The following UBASH3A variants were observed in gnomAD, a reference collection of about 807,000 sequenced individuals.
UBASH3A encodes the protein ubiquitin-associated and SH3 domain-containing protein A.
A neutral mutation model predicts 73.5 loss-of-function variants in UBASH3A; 63 were observed. That is an observed-to-expected ratio of 0.86 (90% CI 0.70 to 1.06). The LOEUF is 1.06. Ranked by LOEUF, UBASH3A falls within the 50% of genes least tolerant of loss-of-function variation. UBASH3A has a pLI of 0.00. For synonymous variants in UBASH3A, 363 were observed against 351.1 expected (o/e 1.03, Z -0.38); for missense variants, 860 against 859.0 (o/e 1.00, Z -0.02).
intron 8 of UBASH3A, 110 bp downstream of exon 8, chr21:42,426,930 A>T: frequency 7.3e-7 from 1 of 1,375,672 alleles, no homozygotes; most frequent in Non-Finnish European, 9.9e-7. Flanking sequence ...CCATAGACAC[A>T]TCCTCCCTGC....
rs1392983748 is a variant in UBASH3A, at chr21:42,410,841, A to G, written c.354+1233A>G. Among the ~76,000 whole-genome samples, 4 of 152,164 alleles carry G rather than the reference A, an allele frequency of 2.6e-5. No homozygotes were observed. In the East Asian group the frequency reaches 7.7e-4, roughly 29 times the overall value. On this transcript the variant is annotated intron_variant, in intron 3 of 14. Transcript: ENST00000319294. ...ACATAGCTCACACACATAGACACAC[A>G]CAGATTGACACAGAGACTTACACAT...
chr21:42,445,720 C>T (rs988556328), intron 14 of UBASH3A, among the ~76,000 whole-genome samples: 2 of 152,238 alleles, frequency 1.3e-5, no homozygotes, highest in African/African-American at 2.4e-5. Flanking sequence ...TTCCTCTGCA[C>T]CTGAGTAGAA....
chr21:42,416,025 CTG>C (rs1220780108), intron 5 of UBASH3A, among the ~76,000 whole-genome samples: 2 of 152,192 alleles, frequency 1.3e-5, no homozygotes, highest in Non-Finnish European at 2.9e-5. Flanking sequence ...CTTAAAGACA[CTG>C]TGTGTTTTAT....
At chr21:42,408,079 T>C (rs530452873) in intron 2 of UBASH3A, among the ~76,000 whole-genome samples, 12 of 152,258 alleles carry the variant, frequency 7.9e-5, no homozygotes, top group Non-Finnish European at 1.8e-4. Flanking sequence ...CTTAAATTTC[T>C]GGGAGAAGGC....
intron 6 of UBASH3A, among the ~76,000 whole-genome samples, 191 bp from the exon 7 acceptor site, chr21:42,418,210 G>T (rs887862873): frequency 6.6e-6 from 1 of 152,130 alleles, no homozygotes; most frequent in African/African-American, 2.4e-5. Context: ...TCTATCCAAA[G>T]AATTCTATGC....
chr21:42,443,414 G>C lies in UBASH3A; in HGVS notation c.1734G>C (p.Gln578His). The C allele has an allele frequency of 7.5e-6, 12 of 1,603,828 alleles. No homozygotes were observed. Among genetic ancestry groups the C allele is most frequent in the Non-Finnish European group, 1.0e-5 (12 of 1,175,072 alleles). The change falls in exon 13 of 15, where the codon CAG becomes CAC. Residue 578 changes from glutamine (Q) to histidine (H), a missense_variant. Physicochemically the swap from Gln to His is conservative, Grantham distance 24. Transcript: ENST00000319294. The stretch of plus-strand genomic sequence containing the variant: ...TGCAAATCGTCAACACCTGTCCACA[G>C]GACAGTAAGTGCCTCACCATCCTCA... ...SMVQIVNTCP[Q>H]DTGVILIVSH...
At chr21:42,426,874 G>T (rs567350102) in intron 8 of UBASH3A, 54 bp downstream of exon 8, 2 of 1,591,822 alleles carry the variant, frequency 1.3e-6, no homozygotes, top group Non-Finnish European at 1.7e-6. Flanking sequence ...ACTACACTTT[G>T]TATTAACTTC....
At chr21:42,414,950 G>A (rs561429006) in intron 5 of UBASH3A, among the ~76,000 whole-genome samples, 1 of 152,180 alleles carries the variant, frequency 6.6e-6, no homozygotes, top group African/African-American at 2.4e-5. Flanking sequence ...GGGAGCCAGC[G>A]TTGACCTCAC....
Position 42,418,963 on chromosome 21 carries a change from G to A in UBASH3A, c.1046+354G>A, listed in dbSNP as rs1054330072. 2.0e-5 allele frequency among the ~76,000 whole-genome samples: 3 copies of A among 152,240 alleles called. 1 individual carries two copies. The highest frequency in any genetic ancestry group is 1.9e-4 in the East Asian group (1 of 5,194). ...CCGTGTATGAAATGTAAAGTCCTAG[G>A]TCGTATTATTAGTTTTCTATGACTG... On this transcript the variant is annotated intron_variant, in intron 7 of 14. Coordinates refer to ENST00000319294, the MANE Select transcript of UBASH3A (RefSeq NM_018961.4).
chr21:42,434,638 G>A (rs1183260210), intron 9 of UBASH3A, among the ~76,000 whole-genome samples, 194 bp from the exon 10 acceptor site: 1 of 152,338 alleles, frequency 6.6e-6, no homozygotes, highest in South Asian at 2.1e-4. Flanking sequence ...TTGAGAAAAT[G>A]TTGTGTGCAC....
At chr21:42,422,418 A>G (rs1368619810) in intron 7 of UBASH3A, among the ~76,000 whole-genome samples, 1 of 152,162 alleles carries the variant, frequency 6.6e-6, no homozygotes, top group Admixed American at 6.5e-5. Context: ...TACTTCTCCA[A>G]TACCCCCTGG....
chr21:42,410,616 C>T, intron 3 of UBASH3A: 1 of 198,092 alleles, frequency 5.0e-6, no homozygotes, highest in East Asian at 1.1e-4. Flanking sequence ...GAGAGTTTTC[C>T]CCCTACATCG....
At chr21:42,443,538 C>T (rs1417296785) in intron 13 of UBASH3A, 120 bp downstream of exon 13, 5 of 793,500 alleles carry the variant, frequency 6.3e-6, no homozygotes, top group African/African-American at 1.8e-5. Flanking sequence ...CCTGCCCCCG[C>T]CCCCATTCTC....
At position 42,444,634 on chromosome 21, in the gene UBASH3A, C is replaced by G. The variant is rs61735848; in HGVS notation, c.1839C>G (p.Leu613=). 27 of 1,613,656 alleles carry G rather than the reference C, an allele frequency of 1.7e-5. 1 individual carries two copies. Among genetic ancestry groups the G allele is most frequent in the Non-Finnish European group, 2.3e-5 (27 of 1,179,606 alleles). ...GGGAATGTGGGGATTTTGCCCAACT[C>G]GTGAGAAAGGTACGCGCCCACTCTT... The part of the protein sequence containing the change: ...PPRECGDFAQ[L]VRKIPSLGMC... Residue 613 remains leucine (L), a synonymous_variant, in exon 14 of 15, where the codon CTC becomes CTG. Transcript: ENST00000319294.
At chr21:42,431,106 A>T (rs78869136) in intron 8 of UBASH3A, among the ~76,000 whole-genome samples, 1 of 152,120 alleles carries the variant, frequency 6.6e-6, no homozygotes, top group Non-Finnish European at 1.5e-5. Flanking sequence ...CTCTGGTCCC[A>T]GGGGGGGCAT....
At chr21:42,436,232 T>C (rs2053626502) in intron 10 of UBASH3A, among the ~76,000 whole-genome samples, 1 of 152,154 alleles carries the variant, frequency 6.6e-6, no homozygotes, top group South Asian at 2.1e-4. Context: ...GAATTAGAGT[T>C]ATAGAGTTAT....
intron 8 of UBASH3A, among the ~76,000 whole-genome samples, chr21:42,431,355 G>A (rs755499225): frequency 6.6e-5 from 10 of 152,242 alleles, no homozygotes; most frequent in East Asian, 1.9e-4. Context: ...GAAAGAGGGC[G>A]GGCGTGAGCC....
Position 42,413,298 on chromosome 21 carries a change from C to T in UBASH3A, c.553+76C>T. ...AGCCCTCTGTGGCAGGGACTAGCCC[C>T]CGGCACATGGATGCAGTGGGTGGGT... On this transcript the variant is annotated intron_variant, in intron 4 of 14. Transcript: ENST00000319294. This position sits in a 1 kb window ranked among gnomAD's most constrained non-coding sequence, Gnocchi z 4.5. 2 of 1,568,596 alleles carry T rather than the reference C, an allele frequency of 1.3e-6. No individual in the cohort carries two copies.
At chr21:42,420,452 G>T (rs1271715335) in intron 7 of UBASH3A, among the ~76,000 whole-genome samples, 1 of 152,094 alleles carries the variant, frequency 6.6e-6, no homozygotes, top group African/African-American at 2.4e-5. Flanking sequence ...AGAACCTCCA[G>T]ATACAAAGGG....
Sources: allele counts gnomAD v4.1 joint callset (sites outside exome capture counted in the v4.1 genomes callset), GRCh38; gene constraint gnomAD v4.1.1; non-coding constraint Gnocchi (gnomAD v3.1); transcripts MANE v1.5; gene names NCBI Gene and HGNC (gene_info 2026-07-23, HGNC 2026-07-21).